The following RALGAPB variants were observed in gnomAD, a reference collection of about 807,000 sequenced individuals.
RALGAPB encodes ral GTPase-activating protein subunit beta.
In RALGAPB, 25 loss-of-function variants were observed where a neutral mutation model predicts 161.1. That is an observed-to-expected ratio of 0.16 (90% CI 0.11 to 0.22). The LOEUF (loss-of-function observed/expected upper bound fraction) is 0.22. Among genes scored for constraint, RALGAPB ranks in the 10% least tolerant of loss-of-function variants. The probability of loss-of-function intolerance (pLI) is 1.00; values close to 1 mark genes in which losing one functional copy is unlikely to be tolerated. For synonymous variants in RALGAPB, 629 were observed against 626.1 expected (o/e 1.00, Z -0.07); for missense variants, 1,391 against 1,815.2 (o/e 0.77, Z 4.25).
At chr20:38,525,303 C>T (rs2123142192) in intron 11 of RALGAPB, 101 bp from the exon 12 acceptor site, 4 of 787,298 alleles carry the variant, frequency 5.1e-6, no homozygotes, top group Non-Finnish European at 8.7e-6. Context: ...TATACAAATA[C>T]ACAATGCTTG....
chr20:38,488,678 T>C (rs2085188412), intron 2 of RALGAPB, 60 bp downstream of exon 2: 1 of 1,494,342 alleles, frequency 6.7e-7, no homozygotes, highest in African/African-American at 1.4e-5. Context: ...TTGAAGAATT[T>C]GTTTAATGTT....
chr20:38,486,379 A>G, intron 1 of RALGAPB, among the ~76,000 whole-genome samples: 1 of 152,174 alleles, frequency 6.6e-6, no homozygotes, highest in East Asian at 1.9e-4. Flanking sequence ...TTAAAAACTT[A>G]AAAAAAGTTT....
chr20:38,506,962 G>A (rs1255492073), intron 5 of RALGAPB, among the ~76,000 whole-genome samples: 3 of 152,176 alleles, frequency 2.0e-5, no homozygotes, highest in South Asian at 2.1e-4. Flanking sequence ...AGCCATGAGC[G>A]GTGGCTCACA....
intron 9 of RALGAPB, among the ~76,000 whole-genome samples, chr20:38,520,675 A>G (rs2086264636): frequency 6.6e-6 from 1 of 152,114 alleles, no homozygotes; most frequent in Non-Finnish European, 1.5e-5. Flanking sequence ...GAAGTTGCAT[A>G]AAGATTTATG....
At chr20:38,559,306 C>G (rs1196136578) in intron 23 of RALGAPB, among the ~76,000 whole-genome samples, 1 of 152,218 alleles carries the variant, frequency 6.6e-6, no homozygotes, top group Non-Finnish European at 1.5e-5. Flanking sequence ...TTTTGAGAAG[C>G]AGCTCACCTT....
chr20:38,538,923 T>C (rs1468386209), intron 16 of RALGAPB, among the ~76,000 whole-genome samples: 2 of 152,180 alleles, frequency 1.3e-5, no homozygotes, highest in African/African-American at 4.8e-5. Context: ...TTTATCGATA[T>C]AAATACCTTG....
At chr20:38,476,434 C>T (rs1324031978) in intron 1 of RALGAPB, among the ~76,000 whole-genome samples, 3 of 152,188 alleles carry the variant, frequency 2.0e-5, no homozygotes, top group South Asian at 4.1e-4. Context: ...TAGCTTCTAG[C>T]ACCTCCAGGA....
chr20:38,507,456 T>C (rs1475952102), intron 5 of RALGAPB, among the ~76,000 whole-genome samples: 1 of 152,120 alleles, frequency 6.6e-6, no homozygotes, highest in East Asian at 1.9e-4. Context: ...CATAGCAGCC[T>C]CAACCTCCCC....
Position 38,546,404 on chromosome 20 carries a change from T to C in RALGAPB, c.2876T>C (p.Leu959Pro), listed in dbSNP as rs374748719. The part of the protein sequence containing the change: ...VLDNSVILAM[L>P]EQPLGNEQND... ...GATAACAGTGTCATCCTGGCAATGCTGGAACAACCTCTTGGAAATGAGCAG... is the reference window on the plus strand; with the variant it reads ...GATAACAGTGTCATCCTGGCAATGCCGGAACAACCTCTTGGAAATGAGCAG... The change falls in exon 19 of 30, where the codon CTG becomes CCG. Residue 959 changes from leucine to proline, a missense_variant. Around this residue, in one of 3 missense-constraint regions of RALGAPB, gnomAD observed 946 missense variants for 1,257.2 expected, o/e 0.75. Transcript: ENST00000262879. 1.0e-4 allele frequency: 165 copies of C among 1,613,982 alleles called. No individual in the cohort carries two copies. The highest frequency in any genetic ancestry group is 1.4e-4 in the Non-Finnish European group (161 of 1,179,968).
chr20:38,525,661 C>A, intron 12 of RALGAPB, 143 bp downstream of exon 12: 1 of 837,108 alleles, frequency 1.2e-6, no homozygotes, highest in Non-Finnish European at 1.8e-6. Context: ...AGTGAATTAA[C>A]AAAGTTGACT....
chr20:38,477,363 G>T (rs1298795999), intron 1 of RALGAPB, among the ~76,000 whole-genome samples: 1 of 152,162 alleles, frequency 6.6e-6, no homozygotes, highest in Non-Finnish European at 1.5e-5. Flanking sequence ...CTGGTAGGGG[G>T]CAGACAGGGT....
In RALGAPB at chr20:38,577,442, A is replaced by G. The variant is rs1021799070; in HGVS notation, c.*2475A>G. 3 of 152,152 alleles carry G rather than the reference A, an allele frequency of 2.0e-5. 1 individual carries two copies. Among genetic ancestry groups the G allele is most frequent in the African/African-American group, 7.2e-5 (3 of 41,406 alleles). 9.4% of individuals were successfully genotyped at this position (152,152 alleles called of 1,614,324 possible). On this transcript the variant is annotated 3_prime_UTR_variant, in exon 30 of 30. Transcript: ENST00000262879. ...CTGTGGCTTAAACAGTTCAGTTGCT[A>G]TATCTGTTGGGTATGCCGGGGGTGG... is the stretch of plus-strand genomic sequence containing the variant.
In RALGAPB at chr20:38,577,060, T is replaced by C. The variant is rs1214778033; in HGVS notation, c.*2093T>C. 1 of 152,316 alleles carries C rather than the reference T, an allele frequency of 6.6e-6. No individual in the cohort carries two copies. Among genetic ancestry groups the C allele is most frequent in the East Asian group, 1.9e-4 (1 of 5,200 alleles). 9.4% of individuals were successfully genotyped at this position (152,316 alleles called of 1,614,324 possible). ...AATCATGTTGAATGCATTTGTGATC[T>C]GGGAGACTTCCTCGTCTTCCAGGGA... On this transcript the variant is annotated 3_prime_UTR_variant, in exon 30 of 30. Coordinates refer to ENST00000262879, the MANE Select transcript of RALGAPB (RefSeq NM_020336.4).
At chr20:38,522,406 A>G (rs553651261) in intron 10 of RALGAPB, among the ~76,000 whole-genome samples, 12 of 152,294 alleles carry the variant, frequency 7.9e-5, no homozygotes, top group African/African-American at 2.9e-4. Context: ...TGATCAACCG[A>G]TCAACCAACT....
At chr20:38,521,849 C>A in intron 10 of RALGAPB, 151 bp downstream of exon 10, 1 of 855,924 alleles carries the variant, frequency 1.2e-6, no homozygotes, top group Non-Finnish European at 1.8e-6. Flanking sequence ...TTCATTTTAC[C>A]TGTCTCATCA....
At chr20:38,474,934 C>G (rs1415044712) in intron 1 of RALGAPB, among the ~76,000 whole-genome samples, 1 of 152,078 alleles carries the variant, frequency 6.6e-6, no homozygotes, top group Non-Finnish European at 1.5e-5. Context: ...TTTGGTAGTT[C>G]CCAGCTTATA....
At chr20:38,557,826 A>C (rs1466386040) in intron 22 of RALGAPB, among the ~76,000 whole-genome samples, 1 of 152,246 alleles carries the variant, frequency 6.6e-6, no homozygotes, top group African/African-American at 2.4e-5. Flanking sequence ...GTTATTATGA[A>C]TAAAGCTGCT....
chr20:38,505,334 C>G (rs756551532), intron 5 of RALGAPB, among the ~76,000 whole-genome samples: 1 of 152,120 alleles, frequency 6.6e-6, no homozygotes, highest in African/African-American at 2.4e-5. Flanking sequence ...AACAGAAAAC[C>G]AAGTATCACA....
chr20:38,539,799 A>G lies in RALGAPB; in HGVS notation c.2403A>G (p.Gly801=). 4 of 1,613,770 alleles carry G rather than the reference A, an allele frequency of 2.5e-6. No individual in the cohort carries two copies. The highest frequency in any genetic ancestry group is 3.4e-6 in the Non-Finnish European group (4 of 1,179,856). Residue 801 remains glycine (G), a synonymous_variant, in exon 17 of 30, where the codon GGA becomes GGG. Coordinates refer to ENST00000262879, the MANE Select transcript of RALGAPB (RefSeq NM_020336.4). ...LAKVKVMVDS[G]DRKRAISSVC... ...AGGTAAAAGTGATGGTTGACTCAGG[A>G]GACCGGAAGCGAGCCATCAGTTCTG...
Sources: allele counts gnomAD v4.1 joint callset (sites outside exome capture counted in the v4.1 genomes callset), GRCh38; gene constraint gnomAD v4.1.1; regional missense constraint gnomAD v4.1.1; transcripts MANE v1.5; gene names NCBI Gene and HGNC (gene_info 2026-07-23, HGNC 2026-07-21).